Variants in DDI2 observed in about 807,000 individuals in gnomAD.
The protein encoded by DDI2 is DDI proteasomal shuttling factor 2.
Under a neutral mutation model 48.1 loss-of-function variants are expected in DDI2, and 5 were observed. The observed-to-expected ratio is 0.10, with a 90% confidence interval of 0.05 to 0.22. The LOEUF (loss-of-function observed/expected upper bound fraction) is 0.22, where lower values mean the gene tolerates loss of function less well. Ranked by LOEUF, DDI2 falls within the 10% of genes least tolerant of loss-of-function variation. DDI2 has a pLI of 1.00. For synonymous variants in DDI2, 205 were observed against 183.6 expected (o/e 1.12, Z -0.94); for missense variants, 285 against 506.2 (o/e 0.56, Z 4.19).
intron 6 of DDI2, among the ~76,000 whole-genome samples, chr1:15,646,496 G>T (rs199851735): frequency 3.0e-4 from 45 of 151,162 alleles, no homozygotes; most frequent in East Asian, 5.8e-4. Flanking sequence ...AGACCAGCCT[G>T]GCCAACATGG....
At position 15,656,749 on chromosome 1, in the gene DDI2, C is replaced by T. The variant is rs1222636881; in HGVS notation, c.*46+70C>T. Reference sequence around the variant, plus strand: ...GTGATCTGACAGTCTGTATCCGCAGCAGTTTGGGAAGTTAGCATTTGTCAT... The same window carrying T: ...GTGATCTGACAGTCTGTATCCGCAGTAGTTTGGGAAGTTAGCATTTGTCAT... On this transcript the variant is annotated intron_variant, in intron 9 of 9. Coordinates refer to ENST00000480945, the MANE Select transcript of DDI2 (RefSeq NM_032341.5). 5 of 1,598,390 alleles carry T rather than the reference C, an allele frequency of 3.1e-6. No homozygotes were observed. The Admixed American group carries it at 5.1e-5, about 16-fold the overall frequency.
At chr1:15,659,731 A>T in intron 9 of DDI2, 106 bp from the exon 10 acceptor site, 1 of 1,189,160 alleles carries the variant, frequency 8.4e-7, no homozygotes, top group Non-Finnish European at 1.1e-6. Flanking sequence ...CCCGAGTTTG[A>T]GGACCTTATT....
Position 15,660,135 on chromosome 1 carries a change from A to G in DDI2, c.*345A>G. ...CTTCCTCAGCAGACCATGCTCCAAC[A>G]GACCAGAGTCCAGCTATGCCTATGC... is the stretch of plus-strand genomic sequence containing the variant. On this transcript the variant is annotated 3_prime_UTR_variant, in exon 10 of 10. Coordinates refer to ENST00000480945, the MANE Select transcript of DDI2 (RefSeq NM_032341.5). 6.2e-7 allele frequency: 1 copy of G among 1,614,236 alleles called. No homozygotes were observed. The highest frequency in any genetic ancestry group is 8.5e-7 in the Non-Finnish European group (1 of 1,180,030).
rs966654150 is a variant in DDI2 at position 15,662,112 on chromosome 1, A to G, written c.*2322A>G. On this transcript the variant is annotated 3_prime_UTR_variant, in exon 10 of 10. Coordinates refer to ENST00000480945, the MANE Select transcript of DDI2 (RefSeq NM_032341.5). Reference sequence around the variant, plus strand: ...CCACTACCCATCCAGCTAAAAACAGATGAACTCTCCACACTGTGACTGTGT... The same window carrying G: ...CCACTACCCATCCAGCTAAAAACAGGTGAACTCTCCACACTGTGACTGTGT... The G allele has an allele frequency of 6.0e-6, 1 of 165,468 alleles. No individual in the cohort carries two copies. Among genetic ancestry groups the G allele is most frequent in the Non-Finnish European group, 1.3e-5 (1 of 75,668 alleles). 10.2% of individuals were successfully genotyped at this position (165,468 alleles called of 1,614,324 possible).
In DDI2 at chr1:15,617,641, A is replaced by G. The variant is rs753410323; in HGVS notation, c.-30A>G. 1.3e-5 allele frequency: 18 copies of G among 1,370,824 alleles called. No individual in the cohort carries two copies. Among genetic ancestry groups the G allele is most frequent in the East Asian group, 3.0e-5 (1 of 33,406 alleles). The allele number at this position is 1,370,824 out of a possible 1,614,324, so 84.9% of individuals were successfully genotyped here. ...TGCGCCCCGCGCCCAGGCCGGGCCGAGCCGAGCCGAGCCGGGTCGGGCCCG... is the reference window on the plus strand; with the variant it reads ...TGCGCCCCGCGCCCAGGCCGGGCCGGGCCGAGCCGAGCCGGGTCGGGCCCG... On this transcript the variant is annotated 5_prime_UTR_variant, in exon 1 of 10. Transcript: ENST00000480945.
In DDI2 at chr1:15,662,927, A is replaced by G. The variant is rs1640403399; in HGVS notation, c.*3137A>G. 6.6e-6 allele frequency: 1 copy of G among 152,084 alleles called. No homozygotes were observed. Among genetic ancestry groups the G allele is most frequent in the Admixed American group, 6.6e-5 (1 of 15,248 alleles). 9.4% of individuals were successfully genotyped at this position (152,084 alleles called of 1,614,324 possible). On this transcript the variant is annotated 3_prime_UTR_variant, in exon 10 of 10. Coordinates refer to ENST00000480945, the MANE Select transcript of DDI2 (RefSeq NM_032341.5). ...TCATCTTATTTGTGTTTACCATGTC[A>G]AGTTAGAGTGGGGCATAATATATAG...
intron 8 of DDI2, among the ~76,000 whole-genome samples, chr1:15,652,333 C>G (rs1028617055): frequency 1.3e-4 from 20 of 151,112 alleles, no homozygotes; most frequent in African/African-American, 4.9e-4. Context: ...GCTGGGATTA[C>G]AGGTGTGAGC....
At chr1:15,644,926 G>A (rs1183667128) in intron 6 of DDI2, among the ~76,000 whole-genome samples, 1 of 149,812 alleles carries the variant, frequency 6.7e-6, no homozygotes, top group Non-Finnish European at 1.5e-5. Flanking sequence ...TCTTTGTTCT[G>A]TCGCCCAGGC....
chr1:15,634,832 C>T (rs531922112), intron 4 of DDI2, among the ~76,000 whole-genome samples: 26 of 152,160 alleles, frequency 1.7e-4, no homozygotes, highest in Admixed American at 1.3e-3. Context: ...GCACTTAGCC[C>T]GTCCTTCTTC....
intron 8 of DDI2, among the ~76,000 whole-genome samples, chr1:15,652,418 C>G (rs1640200833): frequency 8.0e-6 from 1 of 125,020 alleles, no homozygotes; most frequent in Non-Finnish European, 1.6e-5. Context: ...TGGCTCACGC[C>G]TGTTAATCCC....
intron 2 of DDI2, 47 bp downstream of exon 2, chr1:15,626,845 G>A (rs1241542128): frequency 1.2e-6 from 2 of 1,612,946 alleles, no homozygotes; most frequent in East Asian, 2.2e-5. Flanking sequence ...CCATCAGCAG[G>A]TAGCAGAGCA....
At chr1:15,620,180 G>A (rs1415104881) in intron 1 of DDI2, among the ~76,000 whole-genome samples, 1 of 152,104 alleles carries the variant, frequency 6.6e-6, no homozygotes, top group Non-Finnish European at 1.5e-5. Context: ...CTGGTGTTAA[G>A]CCTGTATTAG....
At chr1:15,626,099 A>G (rs192692152) in intron 1 of DDI2, among the ~76,000 whole-genome samples, 2 of 152,326 alleles carry the variant, frequency 1.3e-5, no homozygotes, top group Admixed American at 1.3e-4. Flanking sequence ...CTAAAAATTA[A>G]ATCTAAAATT....
chr1:15,623,068 C>T (rs1251841032), intron 1 of DDI2, among the ~76,000 whole-genome samples: 2 of 152,168 alleles, frequency 1.3e-5, no homozygotes, highest in Non-Finnish European at 2.9e-5. Flanking sequence ...TTAAAAAATG[C>T]TATTGTCTGC....
At chr1:15,632,045 C>T (rs1200021083) in intron 3 of DDI2, among the ~76,000 whole-genome samples, 1 of 151,764 alleles carries the variant, frequency 6.6e-6, no homozygotes, top group Admixed American at 6.6e-5. Context: ...ACCTCGTGAT[C>T]CACCCGTCTC....
Position 15,661,672 on chromosome 1 carries a change from G to A in DDI2, c.*1882G>A. On this transcript the variant is annotated 3_prime_UTR_variant, in exon 10 of 10. Transcript: ENST00000480945. The stretch of plus-strand genomic sequence containing the variant: ...TTTGCATCGAGTTGGTGGGAATGCA[G>A]ACCTTGCACTTCTTGTTTTGCTCGC... 1.2e-6 allele frequency: 2 copies of A among 1,613,752 alleles called. No individual in the cohort carries two copies. The highest frequency in any genetic ancestry group is 1.7e-6 in the Non-Finnish European group (2 of 1,179,770).
intron 2 of DDI2, among the ~76,000 whole-genome samples, chr1:15,629,919 A>G (rs1639816412): frequency 6.6e-6 from 1 of 151,976 alleles, no homozygotes; most frequent in Non-Finnish European, 1.5e-5. Flanking sequence ...TTTAGTAGAG[A>G]CAGAGTTTCA....
At chr1:15,654,455 C>T (rs971238312) in intron 8 of DDI2, among the ~76,000 whole-genome samples, 17 of 152,104 alleles carry the variant, frequency 1.1e-4, no homozygotes, top group Admixed American at 9.8e-4. Flanking sequence ...GAATTTGAAA[C>T]CAGCCTGGGC....
intron 6 of DDI2, 35 bp from the exon 7 acceptor site, chr1:15,649,685 G>A (rs567668850): frequency 1.1e-5 from 18 of 1,595,422 alleles, no homozygotes; most frequent in South Asian, 9.0e-5. Context: ...TTTGAAGTAC[G>A]TAACAATAAC....
Sources: allele counts gnomAD v4.1 joint callset (sites outside exome capture counted in the v4.1 genomes callset), GRCh38; gene constraint gnomAD v4.1.1; transcripts MANE v1.5; gene names NCBI Gene and HGNC (gene_info 2026-07-23, HGNC 2026-07-21).